FREM3: variants seen among roughly 807,000 people sequenced by gnomAD.
The protein encoded by FREM3 is FRAS1 related extracellular matrix 3, also known as FRAS1-related extracellular matrix protein 3.
FREM3 carries 105 observed loss-of-function variants against 129.1 expected under a neutral mutation model. The ratio of observed to expected loss-of-function variants is 0.81; its 90% confidence interval spans 0.69 to 0.96. The LOEUF (loss-of-function observed/expected upper bound fraction) is 0.96, where lower values mean the gene tolerates loss of function less well. Ranked by LOEUF, FREM3 falls within the 40% of genes least tolerant of loss-of-function variation. FREM3 has a pLI of 0.00. For missense variants in FREM3, 2,593 were observed against 2,666.3 expected, an observed-to-expected ratio of 0.97 and a Z score of 0.61; for synonymous variants, 1,014 against 1,044.9, an observed-to-expected ratio of 0.97 and a Z score of 0.57.
intron 6 of FREM3, among the ~76,000 whole-genome samples, chr4:143,605,513 G>A (rs1430648299): frequency 1.3e-5 from 2 of 152,066 alleles, no homozygotes; most frequent in Admixed American, 6.5e-5. Context: ...TTTACTTAGT[G>A]TTATTCTATT....
Position 143,687,993 on chromosome 4 carries a change from G to A in FREM3, c.5275+5120C>T, listed in dbSNP as rs560038281. ...ACTCTCACCACTCCTCTTCAACATA[G>A]TACTGGAAGTCCTAGCCAGAGCAAT... On this transcript the variant is annotated intron_variant, in intron 2 of 7. Transcript: ENST00000329798. Among the ~76,000 whole-genome samples the A allele has an allele frequency of 7.2e-5, 11 of 152,238 alleles. No homozygotes were observed. The East Asian group carries it at 7.7e-4, about 11-fold the overall frequency.
chr4:143,618,345 T>C (rs1738886416), intron 5 of FREM3, among the ~76,000 whole-genome samples: 1 of 115,198 alleles, frequency 8.7e-6, no homozygotes, highest in Non-Finnish European at 2.0e-5. Context: ...GCTTGACACC[T>C]GAGCCTTGAC....
rs781032551 is a variant in FREM3 at position 143,696,854 on chromosome 4, C to T, written c.3822G>A (p.Glu1274=). The stretch of plus-strand genomic sequence containing the variant: ...AGACCTCAAAACTGTCCTCTTTTGT[C>T]TCTGAGTCATCATGCTCATACACAA... ...STIVYEHDDS[E]TKEDSFEVWL... The change falls in exon 1 of 8, where the codon GAG becomes GAA. Residue 1274 remains glutamate, a synonymous_variant. Coordinates refer to ENST00000329798, the MANE Select transcript of FREM3 (RefSeq NM_001168235.2). The T allele has an allele frequency of 3.2e-5, 49 of 1,537,594 alleles. No individual in the cohort carries two copies. Among genetic ancestry groups the T allele is most frequent in the Non-Finnish European group, 4.3e-5 (49 of 1,147,042 alleles).
Position 143,577,492 on chromosome 4 carries a change from A to G in FREM3, c.*119T>C. 1.1e-6 allele frequency: 1 copy of G among 921,930 alleles called. No homozygotes were observed. The highest frequency in any genetic ancestry group is 1.7e-5 in the African/African-American group (1 of 59,904). 57.1% of individuals were successfully genotyped at this position (921,930 alleles called of 1,614,324 possible). Reference sequence around the variant, plus strand: ...ACATTTCCACATATCACCAGAATATAACACCAATGACAGTACAATATCACT... The same window carrying G: ...ACATTTCCACATATCACCAGAATATGACACCAATGACAGTACAATATCACT... On this transcript the variant is annotated 3_prime_UTR_variant, in exon 8 of 8. Transcript: ENST00000329798.
At chr4:143,661,528 A>G (rs893619856) in intron 2 of FREM3, among the ~76,000 whole-genome samples, 9 of 151,726 alleles carry the variant, frequency 5.9e-5, no homozygotes, top group Non-Finnish European at 1.3e-4. Flanking sequence ...AATGTTCATC[A>G]AGGATATTGG....
intron 2 of FREM3, among the ~76,000 whole-genome samples, chr4:143,649,873 C>A (rs1739480677): frequency 6.6e-6 from 1 of 152,104 alleles, no homozygotes; most frequent in South Asian, 2.1e-4. Context: ...CAGTTGAGGA[C>A]CCTTTGCATA....
intron 2 of FREM3, among the ~76,000 whole-genome samples, chr4:143,671,869 C>T (rs963241325): frequency 3.9e-5 from 6 of 152,282 alleles, no homozygotes; most frequent in South Asian, 4.1e-4. Context: ...ACGAAATAAA[C>T]GTGTGAGCAG....
chr4:143,698,802 T>C lies in FREM3; in HGVS notation c.1874A>G (p.Glu625Gly), dbSNP rs1740631865. 1.3e-6 allele frequency: 2 copies of C among 1,537,680 alleles called. No individual in the cohort carries two copies. Among genetic ancestry groups the C allele is most frequent in the Non-Finnish European group, 1.7e-6 (2 of 1,147,016 alleles). ...TTCCATGTAGTGCCAGTCTTCATCT[T>C]CAGTTGAGAGAGGTAGTTCAGCCTG... ...LQQAELPLST[E>G]DEDWHYMEKE... Residue 625 changes from glutamate (E) to glycine (G), a missense_variant, in exon 1 of 8, where the codon GAA becomes GGA. By Grantham distance (98) the Glu-to-Gly change is moderately conservative. Coordinates refer to ENST00000329798, the MANE Select transcript of FREM3 (RefSeq NM_001168235.2).
chr4:143,657,794 C>T (rs546700824), intron 2 of FREM3, among the ~76,000 whole-genome samples: 10 of 152,096 alleles, frequency 6.6e-5, no homozygotes, highest in Admixed American at 1.3e-4. Flanking sequence ...AAGCCATAGG[C>T]ATAGTAAATA....
chr4:143,611,605 T>C (rs2149839320), intron 5 of FREM3, 78 bp from the exon 6 acceptor site: 3 of 1,334,918 alleles, frequency 2.2e-6, no homozygotes, highest in Non-Finnish European at 3.0e-6. Flanking sequence ...TTTTCTTTAA[T>C]GTATTTTTAG....
chr4:143,673,895 C>T (rs945115816), intron 2 of FREM3, among the ~76,000 whole-genome samples: 7 of 152,212 alleles, frequency 4.6e-5, no homozygotes, highest in South Asian at 4.1e-4. Flanking sequence ...CCGAGCCATG[C>T]GCGGGATATA....
chr4:143,579,153 A>G (rs1738091243), intron 7 of FREM3, among the ~76,000 whole-genome samples: 1 of 152,016 alleles, frequency 6.6e-6, no homozygotes, highest in Non-Finnish European at 1.5e-5. Flanking sequence ...CCAAATAGTG[A>G]CATTAAGAAA....
rs1207368597 is a variant in FREM3 at position 143,700,217 on chromosome 4, C to A, written c.459G>T (p.Val153=). 6.5e-7 allele frequency: 1 copy of A among 1,536,888 alleles called. No individual in the cohort carries two copies. The highest frequency in any genetic ancestry group is 8.7e-7 in the Non-Finnish European group (1 of 1,146,900). Residue 153 remains valine (V), a synonymous_variant, in exon 1 of 8, where the codon GTG becomes GTT. Coordinates refer to ENST00000329798, the MANE Select transcript of FREM3 (RefSeq NM_001168235.2). ...AGTCCACCGCCAGCGTGAAGGGCAG[C>A]ACCAGAGTGTGAGTCGGGGCGTCGT... ...LRYDAPTHTL[V]LPFTLAVDLV...
chr4:143,638,635 C>CT (rs1367127520), intron 2 of FREM3, among the ~76,000 whole-genome samples: 1 of 152,130 alleles, frequency 6.6e-6, no homozygotes, highest in Non-Finnish European at 1.5e-5. Context: ...ACTCTATTTT[C>CT]TTGTCCTTCC....
In FREM3 at chr4:143,700,224, G is replaced by A. The variant is rs1328936329; in HGVS notation, c.452C>T (p.Thr151Ile). The A allele has an allele frequency of 1.3e-6, 2 of 1,536,966 alleles. No homozygotes were observed. The highest frequency in any genetic ancestry group is 1.2e-5 in the South Asian group (1 of 84,068). Residue 151 changes from threonine to isoleucine, a missense_variant, in exon 1 of 8, where the codon ACT (threonine) becomes ATT (isoleucine). Around this residue, in one of 2 missense-constraint regions of FREM3, gnomAD observed 2,276 missense variants for 2,267.2 expected, o/e 1.00. Coordinates refer to ENST00000329798, the MANE Select transcript of FREM3 (RefSeq NM_001168235.2). ...CGCCAGCGTGAAGGGCAGCACCAGA[G>A]TGTGAGTCGGGGCGTCGTAGCGCAG... Reference protein sequence around the residue: ...LQLRYDAPTHTLVLPFTLAVD... With the variant: ...LQLRYDAPTHILVLPFTLAVD...
chr4:143,603,158 A>C (rs888104350), intron 6 of FREM3, among the ~76,000 whole-genome samples: 14 of 152,146 alleles, frequency 9.2e-5, no homozygotes, highest in African/African-American at 3.1e-4. Flanking sequence ...GTGGGTCTGC[A>C]TCCTGTCTCT....
intron 2 of FREM3, among the ~76,000 whole-genome samples, chr4:143,648,292 G>T (rs1739454310): frequency 6.6e-6 from 1 of 152,206 alleles, no homozygotes; most frequent in Admixed American, 6.5e-5. Flanking sequence ...GATTTGCCTT[G>T]TCTCAGATGA....
At chr4:143,604,344 C>G (rs527695373) in intron 6 of FREM3, among the ~76,000 whole-genome samples, 1 of 152,212 alleles carries the variant, frequency 6.6e-6, no homozygotes, top group East Asian at 1.9e-4. Flanking sequence ...TAAGACACTC[C>G]ATCTCCTGAT....
chr4:143,616,187 T>A (rs188848113), intron 5 of FREM3, among the ~76,000 whole-genome samples: 1 of 152,184 alleles, frequency 6.6e-6, no homozygotes, highest in Admixed American at 6.5e-5. Flanking sequence ...AACTTTAAAA[T>A]GCTAGGAGAG....
Sources: allele counts gnomAD v4.1 joint callset (sites outside exome capture counted in the v4.1 genomes callset), GRCh38; gene constraint gnomAD v4.1.1; regional missense constraint gnomAD v4.1.1; transcripts MANE v1.5; gene names NCBI Gene and HGNC (gene_info 2026-07-23, HGNC 2026-07-21).